The following ARHGAP8 variants were observed in gnomAD, a reference collection of about 807,000 sequenced individuals.
The protein encoded by ARHGAP8 is rho GTPase-activating protein 8.
A neutral mutation model predicts 46.1 loss-of-function variants in ARHGAP8; 62 were observed. That is an observed-to-expected ratio of 1.34 (90% CI 1.10 to 1.66). ARHGAP8 has a LOEUF of 1.66. Among genes scored for constraint, ARHGAP8 ranks in the 40% most tolerant of loss-of-function variants. The probability of loss-of-function intolerance (pLI) is 0.00; values close to 1 mark genes in which losing one functional copy is unlikely to be tolerated. For missense variants in ARHGAP8, 923 were observed against 568.4 expected (o/e 1.62, Z -6.34); for synonymous variants, 375 against 243.1 (o/e 1.54, Z -5.05).
chr22:44,766,186 T>A (rs1031990875), intron 1 of ARHGAP8: 7 of 152,606 alleles, frequency 4.6e-5, no homozygotes, highest in Non-Finnish European at 8.8e-5. Context: ...GTCTCCGGGA[T>A]CAGGTGATTG....
intron 9 of ARHGAP8, among the ~76,000 whole-genome samples, chr22:44,848,361 GTT>G (rs138327966): frequency 0.7 from 106,882 of 152,072 alleles, 38,582 homozygotes; most frequent in African/African-American, 0.88. Flanking sequence ...AGGGAAGCTG[GTT>G]TTTTTTATCT....
At chr22:44,791,050 A>G (rs780348338) in intron 2 of ARHGAP8, among the ~76,000 whole-genome samples, 15 of 151,864 alleles carry the variant, frequency 9.9e-5, no homozygotes, top group Non-Finnish European at 1.5e-4. Flanking sequence ...TTCTTCTTCA[A>G]TGTGCCTCCC....
chr22:44,831,592 C>G (rs11090705), intron 7 of ARHGAP8, among the ~76,000 whole-genome samples: 32,026 of 151,974 alleles, frequency 0.21, 4,371 homozygotes, highest in East Asian at 0.74. Flanking sequence ...CCAGCTACTC[C>G]GGGGACTGAG....
At chr22:44,788,879 T>C (rs1249079072) in intron 2 of ARHGAP8, among the ~76,000 whole-genome samples, 2 of 152,204 alleles carry the variant, frequency 1.3e-5, no homozygotes, top group South Asian at 2.1e-4. Flanking sequence ...TTGCCTATGA[T>C]CTGTCTAGGT....
intron 2 of ARHGAP8, among the ~76,000 whole-genome samples, chr22:44,797,826 G>A (rs983686277): frequency 6.6e-6 from 1 of 152,074 alleles, no homozygotes; most frequent in Admixed American, 6.6e-5. Context: ...TTTTTTTCAA[G>A]AGACAGGGTC....
chr22:44,815,758 G>A (rs1472762026), intron 5 of ARHGAP8, among the ~76,000 whole-genome samples: 1 of 152,190 alleles, frequency 6.6e-6, no homozygotes, highest in South Asian at 2.1e-4. Context: ...TGAGGCCTGG[G>A]AGGCTCTGCC....
intron 10 of ARHGAP8, among the ~76,000 whole-genome samples, chr22:44,854,717 C>A (rs995704982): frequency 8.5e-5 from 13 of 152,216 alleles, no homozygotes; most frequent in African/African-American, 3.1e-4. Context: ...CAGCTCACTG[C>A]AACCTCTGGC....
chr22:44,842,755 G>A (rs1931738792), intron 7 of ARHGAP8, among the ~76,000 whole-genome samples: 1 of 152,032 alleles, frequency 6.6e-6, no homozygotes, highest in Admixed American at 6.5e-5. Flanking sequence ...TGAGCATCAG[G>A]AGGTTGGCAG....
rs1601533789 is a variant in ARHGAP8, at chr22:44,859,754, A to G, written c.901A>G (p.Thr301Ala). The G allele has an allele frequency of 1.2e-6, 2 of 1,613,746 alleles. No individual in the cohort carries two copies. The highest frequency in any genetic ancestry group is 2.2e-5 in the South Asian group (2 of 91,080). ...AGGTGTGGAGAGCAGCCTGCGTGTC[A>G]CTGGCTGCCGCCAGATCTTACGGAG... ...ITCVESSLRV[T>A]GCRQILRSLP... The change falls in exon 11 of 12, where the codon ACT becomes GCT. Residue 301 changes from threonine (T) to alanine (A), a missense_variant. Coordinates refer to ENST00000356099, the MANE Select transcript of ARHGAP8 (RefSeq NM_181335.3).
At chr22:44,861,332 C>A (rs550223715) in intron 11 of ARHGAP8, among the ~76,000 whole-genome samples, 1 of 152,124 alleles carries the variant, frequency 6.6e-6, no homozygotes, top group Admixed American at 6.5e-5. Flanking sequence ...CCATGGGCAC[C>A]GATGTGAATG....
At chr22:44,816,660 G>A (rs1474146245) in intron 5 of ARHGAP8, among the ~76,000 whole-genome samples, 1 of 151,942 alleles carries the variant, frequency 6.6e-6, no homozygotes, top group Non-Finnish European at 1.5e-5. Context: ...ATAAAAATTA[G>A]CCGGATGTGT....
intron 4 of ARHGAP8, chr22:44,808,880 C>T (rs1602206898): frequency 2.7e-6 from 1 of 363,988 alleles, no homozygotes; most frequent in African/African-American, 2.1e-5. Flanking sequence ...TGCAGTGGTG[C>T]AATCATGGTT....
At chr22:44,795,731 G>A (rs1214939590) in intron 2 of ARHGAP8, among the ~76,000 whole-genome samples, 2 of 152,136 alleles carry the variant, frequency 1.3e-5, no homozygotes, top group African/African-American at 4.8e-5. Context: ...GCCCATTGTG[G>A]CCCACAGGCT....
chr22:44,858,439 C>T (rs554496421), intron 10 of ARHGAP8, among the ~76,000 whole-genome samples: 23 of 147,324 alleles, frequency 1.6e-4, no homozygotes, highest in African/African-American at 5.3e-4. Flanking sequence ...ACCATCTCGG[C>T]TCAGTGCAGC....
intron 7 of ARHGAP8, among the ~76,000 whole-genome samples, chr22:44,841,340 T>G (rs1391331690): frequency 3.9e-5 from 6 of 152,274 alleles, no homozygotes; most frequent in African/African-American, 1.2e-4. Flanking sequence ...GGGTCCATTC[T>G]CATTTAATTC....
intron 10 of ARHGAP8, among the ~76,000 whole-genome samples, chr22:44,854,585 T>A (rs904250506): frequency 1.4e-4 from 21 of 152,214 alleles, no homozygotes; most frequent in African/African-American, 5.1e-4. Context: ...TACATAAAGA[T>A]GTATGCTTGG....
chr22:44,799,744 G>C (rs7285479), intron 2 of ARHGAP8, among the ~76,000 whole-genome samples: 314 of 151,352 alleles, frequency 2.1e-3, no homozygotes, highest in African/African-American at 7.4e-3. Flanking sequence ...GTGGGTTCTG[G>C]GAAGCGGGGC....
intron 1 of ARHGAP8, among the ~76,000 whole-genome samples, chr22:44,755,949 A>G (rs1359867756): frequency 1.3e-5 from 2 of 152,184 alleles, no homozygotes; most frequent in Non-Finnish European, 1.5e-5. Context: ...TCATAGGACC[A>G]TTAGGAGAAC....
intron 5 of ARHGAP8, among the ~76,000 whole-genome samples, chr22:44,821,363 A>C (rs549191576): frequency 6.6e-6 from 1 of 151,776 alleles, no homozygotes; most frequent in Non-Finnish European, 1.5e-5. Flanking sequence ...CAGGAGGCGG[A>C]GCTTGCAGTG....
Sources: allele counts gnomAD v4.1 joint callset (sites outside exome capture counted in the v4.1 genomes callset), GRCh38; gene constraint gnomAD v4.1.1; transcripts MANE v1.5; gene names NCBI Gene and HGNC (gene_info 2026-07-23, HGNC 2026-07-21).